The following CDH13 variants were observed in gnomAD, a reference collection of about 807,000 sequenced individuals.
The protein encoded by CDH13 is cadherin 13.
Under a neutral mutation model 63.8 loss-of-function variants are expected in CDH13, and 24 were observed. The ratio of observed to expected loss-of-function variants is 0.38; its 90% CI spans 0.27 to 0.53. The LOEUF (loss-of-function observed/expected upper bound fraction) is 0.53, where lower values mean the gene tolerates loss of function less well. CDH13 is among the 20% of genes least tolerant of loss of function. CDH13 has a pLI of 0.85. For missense variants in CDH13, 1,049 were observed against 903.1 expected (o/e 1.16, Z -2.07); for synonymous variants, 503 against 355.3 (o/e 1.42, Z -4.67).
At chr16:82,954,820 C>T (rs969224888) in intron 2 of CDH13, 3 of 151,666 alleles carry the variant, frequency 2.0e-5, no homozygotes, top group African/African-American at 4.8e-5. Flanking sequence ...TCCTGGCAGC[C>T]ACAAAATCTC....
At chr16:83,052,684 G>A (rs1890136593) in intron 3 of CDH13, among the ~76,000 whole-genome samples, 1 of 147,700 alleles carries the variant, frequency 6.8e-6, no homozygotes, top group South Asian at 2.1e-4. Flanking sequence ...GGAGGCTGAG[G>A]CAGAATTGCT....
intron 3 of CDH13, among the ~76,000 whole-genome samples, chr16:83,123,217 TA>T (rs1306833953): frequency 6.6e-6 from 1 of 151,936 alleles, no homozygotes; most frequent in Admixed American, 6.6e-5. Flanking sequence ...TATGTTTATA[TA>T]TACGTATAGA....
At chr16:83,395,851 T>C (rs1429232048) in intron 6 of CDH13, among the ~76,000 whole-genome samples, 1 of 152,196 alleles carries the variant, frequency 6.6e-6, no homozygotes, top group Non-Finnish European at 1.5e-5. Context: ...GTTTGTTACA[T>C]AGGTAAACGT....
chr16:83,453,929 C>T (rs1281430944), intron 6 of CDH13, among the ~76,000 whole-genome samples: 2 of 152,222 alleles, frequency 1.3e-5, no homozygotes, highest in African/African-American at 4.8e-5. Flanking sequence ...CAAATGGCAT[C>T]ATGCTGTGCT....
Position 83,123,221 on chromosome 16 carries a change from C to T in CDH13, c.367-2164C>T, listed in dbSNP as rs544153549. ...ATCTTTATAGATATGTTTATATATA[C>T]GTATAGATATATTTACATATATGTA... On this transcript the variant is annotated intron_variant, in intron 3 of 13. Coordinates refer to ENST00000567109, the MANE Select transcript of CDH13 (RefSeq NM_001257.5). 5.6e-4 allele frequency among the ~76,000 whole-genome samples: 85 copies of T among 151,170 alleles called. 1 individual carries two copies. Among genetic ancestry groups the T allele is most frequent in the African/African-American group, 1.9e-3 (78 of 41,168 alleles).
chr16:82,970,158 C>G (rs1908494823), intron 2 of CDH13, among the ~76,000 whole-genome samples: 1 of 152,026 alleles, frequency 6.6e-6, no homozygotes, highest in South Asian at 2.1e-4. Flanking sequence ...ACCTCCCACT[C>G]AGGAATGAGA....
rs527475901 is a variant in CDH13 at position 83,126,502 on chromosome 16, G to A, written c.483+1001G>A. ...ATTGGGAAGAGCTGTTTTGGCTGGA[G>A]GGGCAGTTTACAGAATGGGTAGCCA... On this transcript the variant is annotated intron_variant, in intron 4 of 13. Coordinates refer to ENST00000567109, the MANE Select transcript of CDH13 (RefSeq NM_001257.5). Among the ~76,000 whole-genome samples, 17 of 152,270 alleles carry A rather than the reference G, an allele frequency of 1.1e-4. No homozygotes were observed. The South Asian group carries it at 3.5e-3, about 32-fold the overall frequency.
chr16:83,062,193 A>G (rs531880184), intron 3 of CDH13, among the ~76,000 whole-genome samples: 2 of 152,320 alleles, frequency 1.3e-5, no homozygotes, highest in African/African-American at 4.8e-5. Context: ...GTCTGGTTAA[A>G]TATCACCTCT....
At chr16:83,585,411 G>T (rs1053979738) in intron 7 of CDH13, among the ~76,000 whole-genome samples, 3 of 152,144 alleles carry the variant, frequency 2.0e-5, no homozygotes, top group Non-Finnish European at 4.4e-5. Flanking sequence ...GTGGGTGTGG[G>T]AGAGGAGGCT....
intron 10 of CDH13, among the ~76,000 whole-genome samples, chr16:83,682,138 T>C (rs933360895): frequency 6.6e-6 from 1 of 152,228 alleles, no homozygotes; most frequent in Non-Finnish European, 1.5e-5. Context: ...AAGTGCAGCA[T>C]AGAGTAATCT....
intron 6 of CDH13, among the ~76,000 whole-genome samples, chr16:83,369,182 A>G (rs1038495525): frequency 6.6e-6 from 1 of 151,778 alleles, no homozygotes; most frequent in Non-Finnish European, 1.5e-5. Context: ...ATTCCCACCA[A>G]GAATGGTCAT....
chr16:83,163,088 G>T (rs1253212717), intron 4 of CDH13, among the ~76,000 whole-genome samples: 5 of 152,032 alleles, frequency 3.3e-5, no homozygotes. Flanking sequence ...AGATCTGATG[G>T]TTATATAAAA....
intron 2 of CDH13, among the ~76,000 whole-genome samples, chr16:82,872,224 T>C (rs1437760379): frequency 6.6e-6 from 1 of 152,176 alleles, no homozygotes. Flanking sequence ...GTTTTTTAGG[T>C]GGCAGGGGAT....
intron 2 of CDH13, among the ~76,000 whole-genome samples, chr16:82,985,923 TC>T (rs773969512): frequency 5.3e-5 from 8 of 152,066 alleles, no homozygotes; most frequent in Non-Finnish European, 1.2e-4. Flanking sequence ...TGTGCCTGCC[TC>T]CCTTTCACCT....
chr16:82,839,973 A>G (rs963210767), intron 1 of CDH13, among the ~76,000 whole-genome samples: 1 of 152,200 alleles, frequency 6.6e-6, no homozygotes, highest in African/African-American at 2.4e-5. Context: ...CTGACTCATG[A>G]AATTTCAAGT....
intron 10 of CDH13, among the ~76,000 whole-genome samples, chr16:83,710,885 A>G (rs1907938482): frequency 6.6e-6 from 1 of 152,208 alleles, no homozygotes; most frequent in South Asian, 2.1e-4. Flanking sequence ...GGAATGAGTG[A>G]TGGACAGACT....
intron 6 of CDH13, among the ~76,000 whole-genome samples, chr16:83,446,925 T>C (rs987969719): frequency 6.6e-6 from 1 of 151,702 alleles, no homozygotes; most frequent in Non-Finnish European, 1.5e-5. Context: ...AGTGTTAAGC[T>C]GAACCATTGA....
At chr16:82,981,444 T>G (rs181937247) in intron 2 of CDH13, among the ~76,000 whole-genome samples, 16 of 152,190 alleles carry the variant, frequency 1.1e-4, no homozygotes, top group Admixed American at 9.2e-4. Context: ...TCTCTGTGAA[T>G]GTCTCATCAT....
At chr16:82,781,037 T>C (rs1458397707) in intron 1 of CDH13, among the ~76,000 whole-genome samples, 1 of 152,256 alleles carries the variant, frequency 6.6e-6, no homozygotes, top group Non-Finnish European at 1.5e-5. Context: ...TGAAAGGCAG[T>C]GGGATTTAGG....
Sources: gnomAD v4.1 joint callset for allele counts (sites outside exome capture counted in the v4.1 genomes callset) on GRCh38, gnomAD v4.1.1 for gene constraint, MANE v1.5 for transcripts, NCBI Gene and HGNC (gene_info 2026-07-23, HGNC 2026-07-21) for gene names.